Variants in PTER observed in about 807,000 individuals in gnomAD.
PTER encodes the protein phosphotriesterase related.
PTER carries 38 observed loss-of-function variants against 29.6 expected under a neutral mutation model. The observed-to-expected ratio is 1.28, with a 90% CI of 0.99 to 1.68. The LOEUF is 1.68. Ranked by LOEUF, PTER falls within the 40% of genes most tolerant of loss-of-function variation. The pLI is 0.00. For synonymous variants in PTER, 172 were observed against 154.5 expected (o/e 1.11, Z -0.84); for missense variants, 482 against 427.8 (o/e 1.13, Z -1.12).
downstream of PTER, among the ~76,000 whole-genome samples, chr10:16,516,871 A>G (rs1160392755): frequency 5.3e-5 from 8 of 152,282 alleles, no homozygotes; most frequent in East Asian, 1.5e-3. Context: ...TTGCTTTTTA[A>G]TGAATGTAAT....
intron 1 of PTER, among the ~76,000 whole-genome samples, chr10:16,440,207 AG>A (rs1833797537): frequency 6.6e-6 from 1 of 151,766 alleles, no homozygotes; most frequent in African/African-American, 2.4e-5. Context: ...CTGGAAATAT[AG>A]GCATGCACCA....
chr10:16,515,223 A>C (rs1836931466), downstream of PTER, among the ~76,000 whole-genome samples: 1 of 121,530 alleles, frequency 8.2e-6, no homozygotes, highest in African/African-American at 3.8e-5. Flanking sequence ...CTACTTACAA[A>C]GAAAAAAAAA....
At position 16,501,328 on chromosome 10, in the gene PTER, T is replaced by TACACAC. The variant is rs35321143; in HGVS notation, c.699-3656_699-3651dup. Among the ~76,000 whole-genome samples, 894 of 117,218 alleles carry TACACAC rather than the reference T, an allele frequency of 7.6e-3. 1 individual carries two copies. Among genetic ancestry groups the TACACAC allele is most frequent in the Non-Finnish European group, 9.8e-3 (561 of 57,288 alleles). 76.9% of individuals were successfully genotyped at this position (117,218 alleles called of 152,430 possible). ...TATGTCAGTTAAAAAAATGAATAAC[T>TACACAC]ACACACACACACACACACACACACA... is the stretch of plus-strand genomic sequence containing the variant. On this transcript the variant is annotated intron_variant, in intron 3 of 4. Coordinates refer to ENST00000535784, the MANE Select transcript of PTER (RefSeq NM_001261836.2).
chr10:16,461,120 A>C (rs1465801748), intron 1 of PTER, among the ~76,000 whole-genome samples: 1 of 152,180 alleles, frequency 6.6e-6, no homozygotes, highest in Non-Finnish European at 1.5e-5. Flanking sequence ...TATATAGATA[A>C]ATCATTGTCT....
intron 1 of PTER, among the ~76,000 whole-genome samples, chr10:16,447,735 C>CAT (rs1270409273): frequency 6.6e-6 from 1 of 152,168 alleles, no homozygotes; most frequent in African/African-American, 2.4e-5. Context: ...TATATGCCTG[C>CAT]ATATATTCAT....
intron 3 of PTER, among the ~76,000 whole-genome samples, chr10:16,503,849 T>A (rs977433566): frequency 3.3e-5 from 5 of 152,182 alleles, no homozygotes; most frequent in Admixed American, 6.5e-5. Context: ...AGTGCTTTAA[T>A]CCTCACATCG....
chr10:16,510,075 A>T (rs1306737239), intron 4 of PTER, among the ~76,000 whole-genome samples: 1 of 152,150 alleles, frequency 6.6e-6, no homozygotes, highest in Non-Finnish European at 1.5e-5. Context: ...GTCCGTCTAG[A>T]TCCACTTTAG....
At chr10:16,438,460 CTGTTTTT>C (rs1169228565) in intron 1 of PTER, among the ~76,000 whole-genome samples, 3 of 109,772 alleles carry the variant, frequency 2.7e-5, no homozygotes, top group Admixed American at 1.9e-4. Flanking sequence ...TTTTTATTTT[CTGTTTTT>C]TGTTTTTTTT....
intron 1 of PTER, among the ~76,000 whole-genome samples, chr10:16,438,618 T>C (rs1833740974): frequency 6.6e-6 from 1 of 150,786 alleles, no homozygotes; most frequent in Non-Finnish European, 1.5e-5. Flanking sequence ...CTGCCTGTTT[T>C]CTAGACACAT....
intron 1 of PTER, among the ~76,000 whole-genome samples, chr10:16,473,351 C>G (rs1835124941): frequency 6.6e-6 from 1 of 151,922 alleles, no homozygotes. Context: ...GTCCTCCTCT[C>G]CAGCACACCC....
Position 16,512,840 on chromosome 10 carries a change from T to C in PTER, c.*1584T>C, listed in dbSNP as rs1022148755. The C allele has an allele frequency of 2.0e-5, 3 of 152,580 alleles. No individual in the cohort carries two copies. The highest frequency in any genetic ancestry group is 2.9e-5 in the Non-Finnish European group (2 of 68,000). The allele number at this position is 152,580 out of a possible 1,614,324, so 9.5% of individuals were successfully genotyped here. A position where few individuals can be genotyped will look rare whatever the true frequency, so the allele number is the denominator to read the frequency against. ...CAATGAAAGGGGAACAGATTTTTCA[T>C]TGTAATAGTGGAAGTTGTGTGATAG... On this transcript the variant is annotated 3_prime_UTR_variant, in exon 5 of 5. Coordinates refer to ENST00000535784, the MANE Select transcript of PTER (RefSeq NM_001261836.2).
chr10:16,482,788 A>AT (rs112171466), intron 1 of PTER, among the ~76,000 whole-genome samples: 3,564 of 149,050 alleles, frequency 0.024, 133 homozygotes, highest in African/African-American at 0.081. Context: ...TGTACTTAAA[A>AT]TTTTTTTTTT....
At chr10:16,452,502 A>G (rs1414710646) in intron 1 of PTER, among the ~76,000 whole-genome samples, 1 of 151,774 alleles carries the variant, frequency 6.6e-6, no homozygotes. Flanking sequence ...GGGTTTTACT[A>G]TGTTGGTCAG....
chr10:16,444,001 T>C (rs1833932813), intron 1 of PTER, among the ~76,000 whole-genome samples: 1 of 150,136 alleles, frequency 6.7e-6, no homozygotes, highest in African/African-American at 2.5e-5. Context: ...CTAAAAACTT[T>C]TTCTTTTTTT....
At chr10:16,471,402 C>T (rs1487272712) in intron 1 of PTER, among the ~76,000 whole-genome samples, 1 of 152,046 alleles carries the variant, frequency 6.6e-6, no homozygotes, top group Non-Finnish European at 1.5e-5. Flanking sequence ...ATTTTACTCC[C>T]TTTTACTGAT....
At chr10:16,489,802 A>G (rs1452590284) in intron 3 of PTER, among the ~76,000 whole-genome samples, 2 of 152,154 alleles carry the variant, frequency 1.3e-5, no homozygotes, top group African/African-American at 2.4e-5. Flanking sequence ...AGATGGAATC[A>G]CATAAAGCTT....
chr10:16,446,066 G>A (rs946521877), intron 1 of PTER, among the ~76,000 whole-genome samples: 7 of 152,118 alleles, frequency 4.6e-5, no homozygotes, highest in African/African-American at 1.7e-4. Flanking sequence ...AGATATTTCG[G>A]AGCAGCTCAG....
chr10:16,446,805 T>C (rs148230360), intron 1 of PTER, among the ~76,000 whole-genome samples: 2,729 of 152,206 alleles, frequency 0.018, 91 homozygotes, highest in African/African-American at 0.063. Flanking sequence ...TTTTGTTTTT[T>C]TGAGACAGGG....
rs1016304477 is a variant in PTER at position 16,512,104 on chromosome 10, T to C, written c.*848T>C. 1 of 152,448 alleles carries C rather than the reference T, an allele frequency of 6.6e-6. No individual in the cohort carries two copies. Among genetic ancestry groups the C allele is most frequent in the Non-Finnish European group, 1.5e-5 (1 of 68,000 alleles). 9.4% of individuals were successfully genotyped at this position (152,448 alleles called of 1,614,324 possible). On this transcript the variant is annotated 3_prime_UTR_variant, in exon 5 of 5. Transcript: ENST00000535784. ...GTTTGCCTTATGTATATTCCCTTTA[T>C]TTCCTTTACCTTTTGTTTTTCCTTG...
Sources: gnomAD v4.1 joint callset for allele counts (sites outside exome capture counted in the v4.1 genomes callset) on GRCh38, gnomAD v4.1.1 for gene constraint, MANE v1.5 for transcripts, NCBI Gene and HGNC (gene_info 2026-07-23, HGNC 2026-07-21) for gene names.